KCNIP4: variants seen among roughly 807,000 people sequenced by gnomAD.
The protein encoded by KCNIP4 is potassium voltage-gated channel interacting protein 4, also known as Kv channel-interacting protein 4.
A neutral mutation model predicts 34.0 loss-of-function variants in KCNIP4; 12 were observed. That is an observed-to-expected ratio of 0.35 (90% CI 0.23 to 0.57). The LOEUF is 0.57. KCNIP4 is among the 20% of genes least tolerant of loss of function. The probability of loss-of-function intolerance (pLI) is 0.83; values close to 1 mark genes in which losing one functional copy is unlikely to be tolerated. For synonymous variants in KCNIP4, 124 were observed against 102.2 expected, an observed-to-expected ratio of 1.21 and a Z score of -1.29; for missense variants, 238 against 311.7, an observed-to-expected ratio of 0.76 and a Z score of 1.78.
chr4:21,714,635 GA>G (rs1207092561), intron 1 of KCNIP4, among the ~76,000 whole-genome samples: 1 of 151,916 alleles, frequency 6.6e-6, no homozygotes, highest in Non-Finnish European at 1.5e-5. Context: ...AGGTTTATAA[GA>G]AACACCTCTT....
chr4:21,090,742 A>G (rs527958735), intron 1 of KCNIP4, among the ~76,000 whole-genome samples: 3 of 152,170 alleles, frequency 2.0e-5, no homozygotes, highest in African/African-American at 7.2e-5. Context: ...ATCATTTGTT[A>G]TGTCTCATTT....
chr4:21,165,926 G>T (rs1753597116), intron 1 of KCNIP4, among the ~76,000 whole-genome samples: 1 of 152,176 alleles, frequency 6.6e-6, no homozygotes, highest in South Asian at 2.1e-4. Context: ...TTGAGAGCGT[G>T]AGTTTACCTC....
chr4:20,864,223 C>CAT (rs200562339), intron 2 of KCNIP4, among the ~76,000 whole-genome samples: 4,151 of 144,562 alleles, frequency 0.029, 61 homozygotes, highest in Non-Finnish European at 0.036. Context: ...TGTATATATG[C>CAT]ATATATATGT....
chr4:21,616,012 C>T (rs1290952787), intron 1 of KCNIP4, among the ~76,000 whole-genome samples: 1 of 152,148 alleles, frequency 6.6e-6, no homozygotes, highest in African/African-American at 2.4e-5. Context: ...AAAGGTAGGT[C>T]AGACCATGTC....
chr4:21,269,777 T>A lies in KCNIP4; in HGVS notation c.62-387068A>T, dbSNP rs565670688. On this transcript the variant is annotated intron_variant, in intron 1 of 8. Coordinates refer to ENST00000382152, the MANE Select transcript of KCNIP4 (RefSeq NM_025221.6). ...AATTTACAGGAAGAGAAGAAATACA[T>A]GGCTCAAAAGTTGGGGGGAAGAAAA... Among the ~76,000 whole-genome samples the A allele has an allele frequency of 3.3e-5, 5 of 152,158 alleles. No individual in the cohort carries two copies. In the East Asian group the frequency reaches 9.7e-4, roughly 29 times the overall value.
At chr4:21,870,397 C>CT (rs1725717606) in intron 1 of KCNIP4, among the ~76,000 whole-genome samples, 1 of 152,178 alleles carries the variant, frequency 6.6e-6, no homozygotes, top group African/African-American at 2.4e-5. Context: ...GTATGCACAA[C>CT]TAGACTCAGG....
At chr4:21,677,502 C>A (rs1390358116) in intron 1 of KCNIP4, among the ~76,000 whole-genome samples, 1 of 152,134 alleles carries the variant, frequency 6.6e-6, no homozygotes, top group Non-Finnish European at 1.5e-5. Context: ...TCTACCATCA[C>A]TGCCAGTTCC....
At chr4:20,772,643 TTTC>T (rs1756007599) in intron 3 of KCNIP4, among the ~76,000 whole-genome samples, 1 of 152,006 alleles carries the variant, frequency 6.6e-6, no homozygotes, top group African/African-American at 2.4e-5. Context: ...TCTCTCTTTC[TTTC>T]TTCTTTTTTT....
chr4:21,061,001 T>C lies in KCNIP4; in HGVS notation c.62-178292A>G, dbSNP rs562448037. ...CCAAGATAACGAGCCTGTTAAAAGA[T>C]ATGCACGTCTTTTAAATGATCGAAT... On this transcript the variant is annotated intron_variant, in intron 1 of 8. Coordinates refer to ENST00000382152, the MANE Select transcript of KCNIP4 (RefSeq NM_025221.6). Among the ~76,000 whole-genome samples the C allele has an allele frequency of 2.0e-5, 3 of 152,266 alleles. No individual in the cohort carries two copies. The South Asian group carries it at 6.2e-4, about 32-fold the overall frequency.
chr4:20,972,398 G>A (rs1263281507), intron 1 of KCNIP4, among the ~76,000 whole-genome samples: 1 of 146,992 alleles, frequency 6.8e-6, no homozygotes, highest in East Asian at 1.9e-4. Context: ...CTTGATGCAG[G>A]GGCTGAAGAA....
At chr4:21,449,954 A>C (rs1287917978) in intron 1 of KCNIP4, among the ~76,000 whole-genome samples, 1 of 152,142 alleles carries the variant, frequency 6.6e-6, no homozygotes, top group African/African-American at 2.4e-5. Context: ...TTTAATAGCA[A>C]ACATTCTTTT....
intron 1 of KCNIP4, among the ~76,000 whole-genome samples, chr4:21,619,612 C>T (rs2109172161): frequency 6.6e-6 from 1 of 152,242 alleles, no homozygotes; most frequent in East Asian, 1.9e-4. Context: ...CTGAAATAAG[C>T]CAAATAAGGC....
intron 1 of KCNIP4, among the ~76,000 whole-genome samples, chr4:21,337,745 T>C (rs1466241422): frequency 6.6e-6 from 1 of 152,210 alleles, no homozygotes. Flanking sequence ...ACTGATTTAT[T>C]ATTGGTTATA....
chr4:21,756,629 C>A (rs534186384), intron 1 of KCNIP4, among the ~76,000 whole-genome samples: 3 of 151,364 alleles, frequency 2.0e-5, no homozygotes, highest in South Asian at 2.1e-4. Context: ...TGGAAGAAGT[C>A]CAAATGTATA....
At chr4:21,289,904 A>G (rs1040423375) in intron 1 of KCNIP4, among the ~76,000 whole-genome samples, 4 of 152,154 alleles carry the variant, frequency 2.6e-5, no homozygotes, top group Admixed American at 1.3e-4. Flanking sequence ...CACATGTCAC[A>G]TACACATTCC....
intron 1 of KCNIP4, among the ~76,000 whole-genome samples, chr4:21,247,523 C>T (rs1244082259): frequency 1.4e-5 from 2 of 147,208 alleles, no homozygotes; most frequent in Non-Finnish European, 3.0e-5. Context: ...GACGATATGG[C>T]CCAGGAACAT....
chr4:21,629,232 T>C (rs905191846), intron 1 of KCNIP4, among the ~76,000 whole-genome samples: 5 of 152,182 alleles, frequency 3.3e-5, no homozygotes, highest in Non-Finnish European at 7.4e-5. Flanking sequence ...AGACATATTG[T>C]GTCAATAGTT....
intron 1 of KCNIP4, among the ~76,000 whole-genome samples, chr4:21,736,240 T>C (rs1190274849): frequency 6.6e-6 from 1 of 152,136 alleles, no homozygotes; most frequent in Non-Finnish European, 1.5e-5. Context: ...TACTCATCAC[T>C]CCAGCATGGC....
At chr4:21,598,977 T>C (rs1042109159) in intron 1 of KCNIP4, among the ~76,000 whole-genome samples, 6 of 152,094 alleles carry the variant, frequency 3.9e-5, no homozygotes, top group African/African-American at 1.4e-4. Context: ...TCAGAACATA[T>C]CAGAATTTAT....
Sources: gnomAD v4.1 joint callset for allele counts (sites outside exome capture counted in the v4.1 genomes callset) on GRCh38, gnomAD v4.1.1 for gene constraint, MANE v1.5 for transcripts, NCBI Gene and HGNC (gene_info 2026-07-23, HGNC 2026-07-21) for gene names.